Variants in GRID2 observed in about 807,000 individuals in gnomAD.
GRID2 encodes the protein glutamate receptor ionotropic, delta-2.
Under a neutral mutation model 114.8 loss-of-function variants are expected in GRID2, and 33 were observed. The observed-to-expected ratio is 0.29, with a 90% CI of 0.22 to 0.38. The LOEUF (loss-of-function observed/expected upper bound fraction) is 0.38, where lower values mean the gene tolerates loss of function less well. Among genes scored for constraint, GRID2 ranks in the 10% least tolerant of loss-of-function variants. The probability of loss-of-function intolerance (pLI) is 1.00; values close to 1 mark genes in which losing one functional copy is unlikely to be tolerated. For synonymous variants in GRID2, 505 were observed against 449.9 expected, an observed-to-expected ratio of 1.12 and a Z score of -1.55; for missense variants, 1,184 against 1,257.7, an observed-to-expected ratio of 0.94 and a Z score of 0.89.
At chr4:93,384,059 C>G (rs950951426) in intron 8 of GRID2, among the ~76,000 whole-genome samples, 2 of 152,096 alleles carry the variant, frequency 1.3e-5, no homozygotes, top group Admixed American at 6.6e-5. Context: ...TCAGCAGATT[C>G]AATACCTGGT....
Position 92,922,589 on chromosome 4 carries a change from A to G in GRID2, c.245-162406A>G, listed in dbSNP as rs149893796. Among the ~76,000 whole-genome samples, 409 of 152,340 alleles carry G rather than the reference A, an allele frequency of 2.7e-3. 1 individual carries two copies. Among genetic ancestry groups the G allele is most frequent in the Middle Eastern group, 0.014 (4 of 294 alleles). On this transcript the variant is annotated intron_variant, in intron 2 of 15. Coordinates refer to ENST00000282020, the MANE Select transcript of GRID2 (RefSeq NM_001510.4). ...AATATGGTTTTAATATGAAATTACA[A>G]AAACATAAGAATATTTCTAAGAAGA...
At chr4:93,605,553 T>C (rs1397091474) in intron 13 of GRID2, among the ~76,000 whole-genome samples, 6 of 152,194 alleles carry the variant, frequency 3.9e-5, no homozygotes, top group Non-Finnish European at 8.8e-5. Context: ...TTATTACCAA[T>C]GTTTGAGAAT....
chr4:93,313,257 G>C (rs187812234), intron 8 of GRID2, among the ~76,000 whole-genome samples: 80 of 152,228 alleles, frequency 5.3e-4, no homozygotes, highest in Non-Finnish European at 7.9e-4. Flanking sequence ...ACATAAGGGA[G>C]CAGAGAGAAC....
intron 14 of GRID2, among the ~76,000 whole-genome samples, chr4:93,740,954 G>A (rs1731314153): frequency 6.6e-6 from 1 of 150,690 alleles, no homozygotes; most frequent in African/African-American, 2.4e-5. Flanking sequence ...GAGTATTATG[G>A]AGCTGAATTA....
intron 2 of GRID2, among the ~76,000 whole-genome samples, chr4:92,604,190 A>T (rs766038004): frequency 6.6e-6 from 1 of 152,230 alleles, no homozygotes; most frequent in East Asian, 1.9e-4. Flanking sequence ...ATTACTGGGT[A>T]TATACCCAAA....
intron 2 of GRID2, among the ~76,000 whole-genome samples, chr4:92,967,749 T>G (rs1055651260): frequency 6.6e-6 from 1 of 151,948 alleles, no homozygotes; most frequent in Non-Finnish European, 1.5e-5. Context: ...TATGAAAATA[T>G]ATTGTAGAAT....
Position 93,689,624 on chromosome 4 carries a change from CA to C in GRID2, c.2360+63198del, listed in dbSNP as rs750916953. ...TCTTTGTTCCATCCCAAAAGAAACT[CA>C]AAAAAAAATTACCCTATGTAAATAC... is the stretch of plus-strand genomic sequence containing the variant. On this transcript the variant is annotated intron_variant, in intron 14 of 15. Coordinates refer to ENST00000282020, the MANE Select transcript of GRID2 (RefSeq NM_001510.4). 2.7e-3 allele frequency among the ~76,000 whole-genome samples: 407 copies of C among 150,108 alleles called. 4 individuals are homozygous for C. The highest frequency in any genetic ancestry group is 9.4e-3 in the African/African-American group (384 of 41,030).
At chr4:92,896,500 A>T (rs1388732853) in intron 2 of GRID2, among the ~76,000 whole-genome samples, 1 of 151,666 alleles carries the variant, frequency 6.6e-6, no homozygotes, top group Non-Finnish European at 1.5e-5. Flanking sequence ...CTGATCATAT[A>T]TATCTATCTT....
intron 1 of GRID2, among the ~76,000 whole-genome samples, chr4:93,791,581 A>T (rs1020635155): frequency 6.6e-6 from 1 of 152,234 alleles, no homozygotes; most frequent in African/African-American, 2.4e-5. Flanking sequence ...TCCACTAAAA[A>T]TGTGTTTGTT....
At chr4:92,617,394 G>A (rs1044471075) in intron 2 of GRID2, among the ~76,000 whole-genome samples, 14 of 151,444 alleles carry the variant, frequency 9.2e-5, no homozygotes, top group Non-Finnish European at 1.8e-4. Context: ...TCCCCGACAG[G>A]CCCTGCTGTG....
intron 2 of GRID2, among the ~76,000 whole-genome samples, chr4:92,800,478 A>G (rs1740099202): frequency 6.6e-6 from 1 of 152,020 alleles, no homozygotes; most frequent in Admixed American, 6.6e-5. Flanking sequence ...CAAATAGGAA[A>G]TAAAATAGCA....
At chr4:93,424,683 G>T (rs1332870581) in intron 10 of GRID2, among the ~76,000 whole-genome samples, 1 of 152,040 alleles carries the variant, frequency 6.6e-6, no homozygotes, top group Non-Finnish European at 1.5e-5. Context: ...CATTTATTGT[G>T]CTGAGAGTTC....
At chr4:93,533,283 TTCCTTCCTTCCTTCC>T (rs1731667591) in intron 13 of GRID2, among the ~76,000 whole-genome samples, 1 of 141,328 alleles carries the variant, frequency 7.1e-6, no homozygotes, top group East Asian at 2.2e-4. Context: ...CCTTCCTTCC[TTCCTTCCTTCCTTCC>T]TTCCTTCCTT....
At chr4:93,448,818 T>C (rs1163273620) in intron 10 of GRID2, among the ~76,000 whole-genome samples, 9 of 9,564 alleles carry the variant, frequency 9.4e-4, no homozygotes, top group Non-Finnish European at 1.6e-3. Context: ...TCCCTTCCCT[T>C]CCCTTCCCTT....
At chr4:92,541,187 A>T (rs1279906595) in intron 1 of GRID2, among the ~76,000 whole-genome samples, 2 of 152,150 alleles carry the variant, frequency 1.3e-5, no homozygotes, top group East Asian at 3.9e-4. Flanking sequence ...AGATATATCT[A>T]ATGTTAAATG....
At chr4:92,449,676 GATAT>G (rs371209786) in intron 1 of GRID2, among the ~76,000 whole-genome samples, 3,409 of 96,678 alleles carry the variant, frequency 0.035, 72 homozygotes, top group Non-Finnish European at 0.037. Context: ...TTTTCTTACT[GATAT>G]ATATATATAT....
At chr4:93,095,301 G>T (rs944173980) in intron 3 of GRID2, among the ~76,000 whole-genome samples, 7 of 151,698 alleles carry the variant, frequency 4.6e-5, no homozygotes, top group Admixed American at 4.0e-4. Context: ...ACAGGCCCCG[G>T]TTTATGATGT....
intron 2 of GRID2, among the ~76,000 whole-genome samples, chr4:92,691,793 T>C (rs1479546181): frequency 6.6e-6 from 1 of 152,192 alleles, no homozygotes; most frequent in Admixed American, 6.5e-5. Context: ...AGAGTCATTA[T>C]TGCTATAAAA....
At chr4:92,810,946 G>T (rs1240600616) in intron 2 of GRID2, among the ~76,000 whole-genome samples, 2 of 151,848 alleles carry the variant, frequency 1.3e-5, no homozygotes, top group Admixed American at 1.3e-4. Context: ...TGCACACCAC[G>T]CAATTTTTGT....
Sources: allele counts gnomAD v4.1 joint callset (sites outside exome capture counted in the v4.1 genomes callset), GRCh38; gene constraint gnomAD v4.1.1; transcripts MANE v1.5; gene names NCBI Gene and HGNC (gene_info 2026-07-23, HGNC 2026-07-21).